Variants in ACYP2 observed in about 807,000 individuals in gnomAD.
ACYP2 encodes the protein acylphosphatase-2.
ACYP2 carries 12 observed loss-of-function variants against 11.2 expected under a neutral mutation model. The observed-to-expected ratio is 1.08, with a 90% confidence interval of 0.69 to 1.74. The LOEUF (loss-of-function observed/expected upper bound fraction) is 1.74. Ranked by LOEUF, ACYP2 falls within the 40% of genes most tolerant of loss-of-function variation. The pLI, the probability that ACYP2 is intolerant of heterozygous loss-of-function variation, is 0.00. For missense variants in ACYP2, 134 were observed against 101.9 expected (o/e 1.31, Z -1.35); for synonymous variants, 43 against 32.2 (o/e 1.33, Z -1.13).
At chr2:54,043,074 T>G (rs556815699) in intron 2 of ACYP2, among the ~76,000 whole-genome samples, 259 of 146,844 alleles carry the variant, frequency 1.8e-3, no homozygotes, top group Middle Eastern at 3.5e-3. Flanking sequence ...GTGTGTGGGG[T>G]GTGTGTGTGT....
chr2:54,006,308 C>T (rs906277999), intron 2 of ACYP2, among the ~76,000 whole-genome samples: 2 of 152,040 alleles, frequency 1.3e-5, no homozygotes, highest in Non-Finnish European at 2.9e-5. Context: ...CTACCACGCC[C>T]GGCTAATTTT....
chr2:54,101,924 T>C (rs1444553386), intron 4 of ACYP2, among the ~76,000 whole-genome samples: 1 of 152,204 alleles, frequency 6.6e-6, no homozygotes, highest in African/African-American at 2.4e-5. Flanking sequence ...TAATGGATAT[T>C]GACACTTTAT....
intron 2 of ACYP2, among the ~76,000 whole-genome samples, chr2:54,050,546 TG>T (rs1675791834): frequency 8.4e-6 from 1 of 118,948 alleles, no homozygotes; most frequent in Admixed American, 9.2e-5. Flanking sequence ...ACCCCATCCC[TG>T]AAAAAAAAAA....
intron 4 of ACYP2, among the ~76,000 whole-genome samples, chr2:54,085,417 G>C (rs771925631): frequency 6.6e-6 from 1 of 152,294 alleles, no homozygotes; most frequent in East Asian, 1.9e-4. Flanking sequence ...ACTGGAGTAA[G>C]GGGGCAAATC....
At chr2:54,157,729 T>C (rs1682497099) in intron 6 of ACYP2, among the ~76,000 whole-genome samples, 1 of 152,138 alleles carries the variant, frequency 6.6e-6, no homozygotes, top group African/African-American at 2.4e-5. Flanking sequence ...GTGAAGGCAA[T>C]AAATAAGGTC....
chr2:54,301,738 T>C (rs1689734876), intron 6 of ACYP2, among the ~76,000 whole-genome samples: 1 of 152,120 alleles, frequency 6.6e-6, no homozygotes, highest in South Asian at 2.1e-4. Flanking sequence ...TTTTGTGAAA[T>C]TTTGTGACTA....
At chr2:54,188,336 A>T (rs367756279) in intron 6 of ACYP2, among the ~76,000 whole-genome samples, 1 of 152,146 alleles carries the variant, frequency 6.6e-6, no homozygotes, top group Non-Finnish European at 1.5e-5. Context: ...ATACACAGAA[A>T]CTCAATAAAG....
chr2:54,093,968 A>G (rs1678378089), intron 4 of ACYP2, among the ~76,000 whole-genome samples: 1 of 151,822 alleles, frequency 6.6e-6, no homozygotes, highest in African/African-American at 2.4e-5. Flanking sequence ...CAAACAAACA[A>G]ACAAACCCAC....
chr2:54,167,802 G>C (rs1683058171), intron 6 of ACYP2, among the ~76,000 whole-genome samples: 2 of 152,204 alleles, frequency 1.3e-5, no homozygotes, highest in South Asian at 4.1e-4. Context: ...GAAGAGAGTT[G>C]TGTAGGAGAT....
intron 5 of ACYP2, among the ~76,000 whole-genome samples, chr2:54,136,548 C>T (rs551968164): frequency 1.3e-5 from 2 of 152,276 alleles, no homozygotes; most frequent in South Asian, 4.1e-4. Context: ...AAGAAAGTGA[C>T]TTATTTTCAG....
chr2:54,302,341 C>T (rs999984871), intron 6 of ACYP2, among the ~76,000 whole-genome samples: 1 of 152,162 alleles, frequency 6.6e-6, no homozygotes, highest in Admixed American at 6.5e-5. Flanking sequence ...CTGGCCCTGC[C>T]AGCAGCATTG....
chr2:54,049,124 G>C (rs754785894), intron 2 of ACYP2, among the ~76,000 whole-genome samples: 16 of 152,110 alleles, frequency 1.1e-4, no homozygotes, highest in Non-Finnish European at 1.8e-4. Flanking sequence ...AACCAGGCGT[G>C]GTGGTGCATG....
At chr2:54,110,253 C>A (rs978514557) in intron 4 of ACYP2, among the ~76,000 whole-genome samples, 1 of 112,180 alleles carries the variant, frequency 8.9e-6, no homozygotes, top group Admixed American at 8.2e-5. Flanking sequence ...GTCCTACCTG[C>A]CAACCCTGAG....
intron 2 of ACYP2, among the ~76,000 whole-genome samples, chr2:53,977,076 C>G (rs972319832): frequency 6.6e-6 from 1 of 152,088 alleles, no homozygotes; most frequent in African/African-American, 2.4e-5. Flanking sequence ...CAGATGGAGT[C>G]CTGCTCTGTT....
chr2:54,177,225 T>C (rs894331783), intron 6 of ACYP2, among the ~76,000 whole-genome samples: 2 of 152,170 alleles, frequency 1.3e-5, no homozygotes, highest in African/African-American at 4.8e-5. Flanking sequence ...AGTTGAATGC[T>C]GCCAGTGGAA....
At chr2:54,115,501 C>T in intron 4 of ACYP2, 114 bp from the exon 1 acceptor site, 1 of 1,425,220 alleles carries the variant, frequency 7.0e-7, no homozygotes. Context: ...CTCCTGGCGT[C>T]CCCGGCTGCC....
chr2:53,971,763 A>C (rs566893524), intron 1 of ACYP2, among the ~76,000 whole-genome samples: 1 of 152,332 alleles, frequency 6.6e-6, no homozygotes, highest in Admixed American at 6.5e-5. Flanking sequence ...GTGATACTTA[A>C]TTTAAGCTAT....
At chr2:53,986,920 C>G (rs1029682972) in intron 2 of ACYP2, among the ~76,000 whole-genome samples, 1 of 152,112 alleles carries the variant, frequency 6.6e-6, no homozygotes, top group Admixed American at 6.6e-5. Context: ...CCACCGCACC[C>G]GACCAAACCT....
intron 6 of ACYP2, among the ~76,000 whole-genome samples, chr2:54,259,962 G>C (rs754566727): frequency 5.9e-5 from 9 of 152,290 alleles, no homozygotes; most frequent in Admixed American, 3.3e-4. Context: ...GGGAGATGAA[G>C]CATGTGTAAA....
Sources: allele counts gnomAD v4.1 joint callset (sites outside exome capture counted in the v4.1 genomes callset), GRCh38; gene constraint gnomAD v4.1.1; transcripts MANE v1.5; gene names NCBI Gene and HGNC (gene_info 2026-07-23, HGNC 2026-07-21).